The following CDH20 variants were observed in gnomAD, a reference collection of about 807,000 sequenced individuals.
CDH20 encodes cadherin 20.
CDH20 carries 29 observed loss-of-function variants against 74.2 expected under a neutral mutation model. The ratio of observed to expected loss-of-function variants is 0.39; its 90% CI spans 0.29 to 0.53. The LOEUF is 0.53. CDH20 is among the 20% of genes least tolerant of loss of function. The pLI is 0.69. For missense variants in CDH20, 988 were observed against 1,048.3 expected (o/e 0.94, Z 0.79); for synonymous variants, 469 against 405.4 (o/e 1.16, Z -1.88).
intron 1 of CDH20, among the ~76,000 whole-genome samples, chr18:61,343,261 C>T (rs963753788): frequency 4.6e-5 from 7 of 152,156 alleles, no homozygotes; most frequent in African/African-American, 1.7e-4. Flanking sequence ...TTACATTTTG[C>T]TTTAATTTGT....
At chr18:61,521,585 C>T (rs779084372) in intron 6 of CDH20, among the ~76,000 whole-genome samples, 1 of 151,324 alleles carries the variant, frequency 6.6e-6, no homozygotes, top group Non-Finnish European at 1.5e-5. Flanking sequence ...AGGCCAGGAT[C>T]ATCCTGATAC....
rs1568182044 is a variant in CDH20, at chr18:61,538,584, G to GTTTT, written c.1409-437_1409-436insTTTT. On this transcript the variant is annotated intron_variant, in intron 8 of 11. Coordinates refer to ENST00000262717, the MANE Select transcript of CDH20 (RefSeq NM_031891.4). ...CTCACCAAGTAAATAACTACTTTTT[G>GTTTT]TTTGTTTGTTTGTTTTTGTTTTTGT... Among the ~76,000 whole-genome samples, 33 of 55,814 alleles carry GTTTT rather than the reference G, an allele frequency of 5.9e-4. 2 individuals carry two copies. The highest frequency in any genetic ancestry group is 7.7e-4 in the Non-Finnish European group (22 of 28,592). 36.6% of individuals were successfully genotyped at this position (55,814 alleles called of 152,430 possible).
In CDH20 at chr18:61,490,673, A is replaced by G. The variant is rs1910927786; in HGVS notation, c.120A>G (p.Gln40=). Residue 40 remains glutamine (Q), a synonymous_variant, in exon 2 of 12, where the codon CAA becomes CAG. Transcript: ENST00000262717. Reference sequence around the variant, plus strand: ...TTCTCTCGGACACCCCAACACCACAAGGTGAATTAGAAGCACTCCTGTCAG... The same window carrying G: ...TTCTCTCGGACACCCCAACACCACAGGGTGAATTAGAAGCACTCCTGTCAG... ...TTVLSDTPTP[Q]GELEALLSDK... is the part of the protein sequence containing the mutation. 1 of 1,613,968 alleles carries G rather than the reference A, an allele frequency of 6.2e-7. No individual in the cohort carries two copies. The highest frequency in any genetic ancestry group is 1.3e-5 in the African/African-American group (1 of 74,904).
chr18:61,435,791 T>C (rs1484982745), intron 1 of CDH20, among the ~76,000 whole-genome samples: 2 of 151,754 alleles, frequency 1.3e-5, no homozygotes, highest in East Asian at 1.9e-4. Context: ...AAACACTATA[T>C]AATTCCCCCA....
intron 6 of CDH20, among the ~76,000 whole-genome samples, chr18:61,513,838 T>C (rs1350529734): frequency 6.6e-6 from 1 of 152,114 alleles, no homozygotes; most frequent in Non-Finnish European, 1.5e-5. Flanking sequence ...CCCACTCTCT[T>C]CTGGCTTGTA....
intron 1 of CDH20, among the ~76,000 whole-genome samples, chr18:61,460,674 T>A (rs1310762715): frequency 2.0e-5 from 3 of 152,186 alleles, no homozygotes; most frequent in African/African-American, 7.2e-5. Flanking sequence ...ATTTGCAGGA[T>A]CAGATGGACT....
chr18:61,485,610 T>C (rs1349050925), intron 1 of CDH20, among the ~76,000 whole-genome samples: 2 of 152,110 alleles, frequency 1.3e-5, no homozygotes, highest in East Asian at 1.9e-4. Flanking sequence ...CTTTTACTTA[T>C]AGAAAGAGCC....
intron 1 of CDH20, among the ~76,000 whole-genome samples, chr18:61,339,188 T>G (rs1909853857): frequency 6.6e-6 from 1 of 152,192 alleles, no homozygotes; most frequent in East Asian, 1.9e-4. Flanking sequence ...TACCTAACTC[T>G]TAAATGTGCG....
chr18:61,544,601 G>A (rs969049518), intron 9 of CDH20, among the ~76,000 whole-genome samples: 3 of 152,124 alleles, frequency 2.0e-5, no homozygotes, highest in Non-Finnish European at 2.9e-5. Flanking sequence ...CAACTGTCCC[G>A]GGCTGAACTT....
At chr18:61,500,873 G>A (rs1048605200) in intron 4 of CDH20, among the ~76,000 whole-genome samples, 1 of 152,228 alleles carries the variant, frequency 6.6e-6, no homozygotes, top group Non-Finnish European at 1.5e-5. Context: ...TAGAGAACTA[G>A]AAGCATTGAT....
intron 1 of CDH20, among the ~76,000 whole-genome samples, chr18:61,386,852 G>T (rs1191937398): frequency 6.6e-6 from 1 of 152,128 alleles, no homozygotes; most frequent in East Asian, 1.9e-4. Context: ...TCATGTATCT[G>T]TATATTAAGA....
intron 1 of CDH20, among the ~76,000 whole-genome samples, chr18:61,393,504 T>G (rs1206238526): frequency 1.2e-4 from 18 of 152,330 alleles, no homozygotes; most frequent in Admixed American, 1.1e-3. Context: ...AAAAGAAGAC[T>G]GCAGTGGTTC....
intron 1 of CDH20, among the ~76,000 whole-genome samples, chr18:61,360,460 C>T (rs1196278661): frequency 1.3e-5 from 2 of 152,080 alleles, no homozygotes; most frequent in Non-Finnish European, 2.9e-5. Flanking sequence ...CTCAGGGTCT[C>T]TTGAATGAGG....
chr18:61,549,254 T>G (rs1400602089), intron 10 of CDH20, among the ~76,000 whole-genome samples: 1 of 152,214 alleles, frequency 6.6e-6, no homozygotes, highest in Non-Finnish European at 1.5e-5. Context: ...GTAGAAAATA[T>G]CTAATAATTT....
At chr18:61,424,047 G>A (rs1410201559) in intron 1 of CDH20, among the ~76,000 whole-genome samples, 1 of 152,146 alleles carries the variant, frequency 6.6e-6, no homozygotes, top group African/African-American at 2.4e-5. Context: ...ATTCTATGCA[G>A]ACTTGAGTAT....
intron 1 of CDH20, among the ~76,000 whole-genome samples, chr18:61,425,930 ATTG>A (rs1304674963): frequency 6.6e-6 from 1 of 152,202 alleles, no homozygotes; most frequent in Non-Finnish European, 1.5e-5. Context: ...AAGACTTAAT[ATTG>A]TTAAGACGGC....
At chr18:61,480,953 G>A (rs1343894598) in intron 1 of CDH20, among the ~76,000 whole-genome samples, 1 of 152,178 alleles carries the variant, frequency 6.6e-6, no homozygotes, top group Non-Finnish European at 1.5e-5. Flanking sequence ...TTCACTAATT[G>A]TTGCAGGTGT....
intron 1 of CDH20, among the ~76,000 whole-genome samples, chr18:61,433,151 T>A (rs1279926507): frequency 6.6e-6 from 1 of 152,178 alleles, no homozygotes; most frequent in African/African-American, 2.4e-5. Context: ...TGTTATTTAT[T>A]ATTATAATAA....
chr18:61,499,505 C>T, intron 3 of CDH20, 25 bp downstream of exon 3: 1 of 1,550,544 alleles, frequency 6.4e-7, no homozygotes, highest in Non-Finnish European at 8.8e-7. Context: ...CGCTGATTTT[C>T]ACAAATAGCA....
Sources: gnomAD v4.1 joint callset for allele counts (sites outside exome capture counted in the v4.1 genomes callset) on GRCh38, gnomAD v4.1.1 for gene constraint, MANE v1.5 for transcripts, NCBI Gene and HGNC (gene_info 2026-07-23, HGNC 2026-07-21) for gene names.